The following HS6ST3 variants were observed in gnomAD, a reference collection of about 807,000 sequenced individuals.
HS6ST3 encodes heparan-sulfate 6-O-sulfotransferase 3.
HS6ST3 carries 12 observed loss-of-function variants against 36.7 expected under a neutral mutation model. The ratio of observed to expected loss-of-function variants is 0.33; its 90% confidence interval spans 0.21 to 0.53. The LOEUF (loss-of-function observed/expected upper bound fraction) is 0.53, where lower values mean the gene tolerates loss of function less well. Ranked by LOEUF, HS6ST3 falls within the 20% of genes least tolerant of loss-of-function variation. The pLI, the probability that HS6ST3 is intolerant of heterozygous loss-of-function variation, is 0.95. For synonymous variants in HS6ST3, 240 were observed against 257.5 expected, an observed-to-expected ratio of 0.93 and a Z score of 0.65; for missense variants, 584 against 640.9, an observed-to-expected ratio of 0.91 and a Z score of 0.96.
chr13:96,325,107 T>G (rs770922790), intron 1 of HS6ST3, among the ~76,000 whole-genome samples: 1 of 152,168 alleles, frequency 6.6e-6, no homozygotes, highest in Non-Finnish European at 1.5e-5. Flanking sequence ...TTCCCAGACA[T>G]TCAATGAAAA....
chr13:96,198,912 G>A (rs183195928), intron 1 of HS6ST3, among the ~76,000 whole-genome samples: 91 of 152,226 alleles, frequency 6.0e-4, no homozygotes, highest in Non-Finnish European at 1.1e-3. Flanking sequence ...CCAATTTACT[G>A]TATTAGTCTG....
chr13:96,797,895 C>G (rs1038209507), intron 1 of HS6ST3, among the ~76,000 whole-genome samples: 11 of 152,006 alleles, frequency 7.2e-5, no homozygotes, highest in African/African-American at 2.7e-4. Flanking sequence ...AGCATCAGAT[C>G]CCACGGGTTG....
chr13:96,261,106 A>G (rs1316021698), intron 1 of HS6ST3, among the ~76,000 whole-genome samples: 5 of 152,094 alleles, frequency 3.3e-5, no homozygotes, highest in Non-Finnish European at 7.4e-5. Flanking sequence ...GAACAAATTC[A>G]TTATTTTAAA....
At chr13:96,677,807 CTTAT>C (rs1368384693) in intron 1 of HS6ST3, among the ~76,000 whole-genome samples, 1 of 152,008 alleles carries the variant, frequency 6.6e-6, no homozygotes, top group Non-Finnish European at 1.5e-5. Context: ...TCAAATAAAT[CTTAT>C]TTAAGATTTA....
At chr13:96,474,897 T>G (rs1244989857) in intron 1 of HS6ST3, among the ~76,000 whole-genome samples, 1 of 152,178 alleles carries the variant, frequency 6.6e-6, no homozygotes, top group Non-Finnish European at 1.5e-5. Context: ...TTGCATAAGA[T>G]CAAATAGAAA....
At chr13:96,146,303 C>T (rs1266672556) in intron 1 of HS6ST3, among the ~76,000 whole-genome samples, 4 of 152,104 alleles carry the variant, frequency 2.6e-5, no homozygotes, top group South Asian at 2.1e-4. Flanking sequence ...AATGTTTTTC[C>T]GTTTGTTTGT....
At chr13:96,570,880 C>T (rs554477714) in intron 1 of HS6ST3, among the ~76,000 whole-genome samples, 2 of 152,136 alleles carry the variant, frequency 1.3e-5, no homozygotes, top group East Asian at 1.9e-4. Flanking sequence ...GAGGAGGGTA[C>T]GGTTGCTTGA....
At chr13:96,717,557 A>G (rs143433041) in intron 1 of HS6ST3, among the ~76,000 whole-genome samples, 102 of 152,372 alleles carry the variant, frequency 6.7e-4, no homozygotes, top group Non-Finnish European at 1.2e-3. Context: ...GCAGAGAGGT[A>G]AAGAAGAAAG....
intron 1 of HS6ST3, among the ~76,000 whole-genome samples, chr13:96,133,444 A>T (rs889529231): frequency 7.4e-5 from 11 of 149,120 alleles, no homozygotes; most frequent in Non-Finnish European, 4.4e-5. Flanking sequence ...TTTTTTTGAG[A>T]TGGAGTCTCA....
At chr13:96,635,543 A>G (rs1194834420) in intron 1 of HS6ST3, among the ~76,000 whole-genome samples, 2 of 152,172 alleles carry the variant, frequency 1.3e-5, no homozygotes, top group East Asian at 1.9e-4. Flanking sequence ...CCAGGGTTAC[A>G]TACCCATCTT....
intron 1 of HS6ST3, among the ~76,000 whole-genome samples, chr13:96,642,559 T>C (rs1224097671): frequency 6.6e-6 from 1 of 151,900 alleles, no homozygotes; most frequent in Non-Finnish European, 1.5e-5. Context: ...CACAGGTCTC[T>C]GAGGCTCTGC....
chr13:96,230,327 GAGGGTAGAAAACTCTC>G (rs1194318633), intron 1 of HS6ST3, among the ~76,000 whole-genome samples: 1 of 152,148 alleles, frequency 6.6e-6, no homozygotes, highest in Non-Finnish European at 1.5e-5. Flanking sequence ...TTGGAACGGA[GAGGGTAGAAAACTCTC>G]AGGGTACTGG....
chr13:96,514,056 G>T (rs1037283386), intron 1 of HS6ST3, among the ~76,000 whole-genome samples: 3 of 152,078 alleles, frequency 2.0e-5, no homozygotes, highest in African/African-American at 7.2e-5. Context: ...GCCTCAGTGC[G>T]ATGAGAAGCA....
At chr13:96,824,555 G>A (rs1465809836) in intron 1 of HS6ST3, among the ~76,000 whole-genome samples, 2 of 152,142 alleles carry the variant, frequency 1.3e-5, no homozygotes, top group Admixed American at 1.3e-4. Context: ...ATCAAATACT[G>A]TGCAGGGCAG....
At chr13:96,755,352 T>C (rs910278346) in intron 1 of HS6ST3, among the ~76,000 whole-genome samples, 10 of 149,132 alleles carry the variant, frequency 6.7e-5, no homozygotes, top group African/African-American at 2.6e-4. Flanking sequence ...TTTTTTGTTT[T>C]TTTGTTTTTG....
intron 1 of HS6ST3, among the ~76,000 whole-genome samples, chr13:96,346,188 T>C (rs1450055207): frequency 2.0e-5 from 3 of 152,122 alleles, no homozygotes; most frequent in Admixed American, 2.0e-4. Context: ...GACCCCTGCT[T>C]TATTGAGAGA....
chr13:96,318,031 C>T (rs570304496), intron 1 of HS6ST3, among the ~76,000 whole-genome samples: 11 of 151,940 alleles, frequency 7.2e-5, no homozygotes, highest in Non-Finnish European at 1.2e-4. Flanking sequence ...TTTCTTTTGG[C>T]GTGCAGAAGC....
At chr13:96,310,941 A>G (rs2054938053) in intron 1 of HS6ST3, among the ~76,000 whole-genome samples, 1 of 152,116 alleles carries the variant, frequency 6.6e-6, no homozygotes, top group Non-Finnish European at 1.5e-5. Flanking sequence ...TGTTGCATGT[A>G]TACCTCTGAC....
At position 96,833,105 on chromosome 13, in the gene HS6ST3, G is replaced by T; in HGVS notation, c.1323G>T (p.Gln441His). 1 of 1,606,212 alleles carries T rather than the reference G, an allele frequency of 6.2e-7. No homozygotes were observed. Residue 441 changes from glutamine to histidine, a missense_variant, in exon 2 of 2, where the codon CAG becomes CAT. Around this residue, in one of 3 missense-constraint regions of HS6ST3, gnomAD observed 360 missense variants for 411.3 expected, o/e 0.88. Coordinates refer to ENST00000376705, the MANE Select transcript of HS6ST3 (RefSeq NM_153456.4). Reference protein sequence around the residue: ...RQKRREERRLQREHRDHQWPK... With the variant: ...RQKRREERRLHREHRDHQWPK... The stretch of plus-strand genomic sequence containing the variant: ...AGCGGCGGGAGGAGCGGAGGCTGCA[G>T]CGAGAGCACAGGGACCACCAGTGGC...
Sources: gnomAD v4.1 joint callset for allele counts (sites outside exome capture counted in the v4.1 genomes callset) on GRCh38, gnomAD v4.1.1 for gene constraint, gnomAD v4.1.1 regional missense constraint, MANE v1.5 for transcripts, NCBI Gene and HGNC (gene_info 2026-07-23, HGNC 2026-07-21) for gene names.